The following KIF9 variants were observed in gnomAD, a reference collection of about 807,000 sequenced individuals.
KIF9 encodes kinesin-like protein KIF9.
In KIF9, 68 loss-of-function variants were observed where a neutral mutation model predicts 94.8. That is an observed-to-expected ratio of 0.72 (90% CI 0.59 to 0.88). The LOEUF is 0.88. KIF9 is among the 40% of genes least tolerant of loss of function. The pLI is 0.00. For synonymous variants in KIF9, 343 were observed against 362.1 expected (o/e 0.95, Z 0.60); for missense variants, 882 against 982.5 (o/e 0.90, Z 1.37).
At position 47,243,260 on chromosome 3, in the gene KIF9, G is replaced by A. The variant is rs777885656; in HGVS notation, c.1515-15C>T. On this transcript the variant is annotated splice_polypyrimidine_tract_variant and intron_variant, in intron 15 of 20. Transcript: ENST00000684063. ...TTGCCAAGGAGCTGGAAGAAGGCACGGAAGCCCCAGGGTTCAGTCATGGAC... is the reference window on the plus strand; with the variant it reads ...TTGCCAAGGAGCTGGAAGAAGGCACAGAAGCCCCAGGGTTCAGTCATGGAC... 1.1e-5 allele frequency: 18 copies of A among 1,600,254 alleles called. No homozygotes were observed. The highest frequency in any genetic ancestry group is 1.0e-4 in the Admixed American group (6 of 59,256).
At chr3:47,246,502 G>A (rs1028973671) in intron 12 of KIF9, 11 of 283,654 alleles carry the variant, frequency 3.9e-5, no homozygotes, top group Non-Finnish European at 7.2e-5. Context: ...TCGAAGTGGA[G>A]ACCTCTATAA....
intron 13 of KIF9, 70 bp downstream of exon 13, chr3:47,246,127 A>G: frequency 7.1e-7 from 1 of 1,403,432 alleles, no homozygotes; most frequent in Non-Finnish European, 1.0e-6. Context: ...CTTGGAGGCA[A>G]GTGCCCAGAT....
intron 5 of KIF9, among the ~76,000 whole-genome samples, chr3:47,270,415 A>T (rs1175500293): frequency 1.3e-5 from 2 of 150,760 alleles, no homozygotes; most frequent in African/African-American, 2.4e-5. Context: ...CACCACACCC[A>T]GCTTATTTTT....
intron 10 of KIF9, among the ~76,000 whole-genome samples, chr3:47,256,441 C>T (rs1313437971): frequency 2.0e-5 from 3 of 151,346 alleles, no homozygotes; most frequent in African/African-American, 4.9e-5. Flanking sequence ...GGAGCATCTC[C>T]GCCCGGCAGC....
intron 18 of KIF9, 81 bp downstream of exon 18, chr3:47,236,362 G>A: frequency 1.4e-6 from 2 of 1,466,956 alleles, no homozygotes; most frequent in South Asian, 1.2e-5. Flanking sequence ...AACTCTGAGG[G>A]TGCTTCCAGA....
intron 17 of KIF9, among the ~76,000 whole-genome samples, chr3:47,239,272 G>A (rs1202628804): frequency 1.3e-5 from 2 of 152,184 alleles, no homozygotes; most frequent in Non-Finnish European, 2.9e-5. Flanking sequence ...GTGTATTTAG[G>A]AGTAAATGAT....
At chr3:47,271,521 AG>A in intron 4 of KIF9, 60 bp from the exon 5 acceptor site, 1 of 1,242,754 alleles carries the variant, frequency 8.0e-7, no homozygotes, top group Non-Finnish European at 1.2e-6. Context: ...AACTAGCATA[AG>A]GGGGGCTTCC....
chr3:47,242,863 T>C (rs1345438693), intron 16 of KIF9, 188 bp downstream of exon 16: 1 of 450,996 alleles, frequency 2.2e-6, no homozygotes, highest in African/African-American at 1.9e-5. Context: ...TTGTGCATCT[T>C]GGATGACTCC....
chr3:47,277,642 T>G (rs558180935), intron 1 of KIF9, among the ~76,000 whole-genome samples: 1 of 152,312 alleles, frequency 6.6e-6, no homozygotes, highest in Non-Finnish European at 1.5e-5. Flanking sequence ...AAATACAAAG[T>G]GAAAAGAATG....
chr3:47,230,577 C>A (rs1018039973), intron 20 of KIF9, among the ~76,000 whole-genome samples: 6 of 150,058 alleles, frequency 4.0e-5, no homozygotes, highest in Middle Eastern at 3.3e-3. Flanking sequence ...ACTAAAAATA[C>A]AAAATTAGCC....
At chr3:47,252,726 A>G (rs1700350808) in intron 10 of KIF9, among the ~76,000 whole-genome samples, 1 of 152,158 alleles carries the variant, frequency 6.6e-6, no homozygotes, top group Admixed American at 6.5e-5. Context: ...ATAAGAAAAG[A>G]TAAGAAGGCC....
At position 47,235,509 on chromosome 3, in the gene KIF9, T is replaced by A. The variant is rs1425773619; in HGVS notation, c.2322+4A>T. The stretch of plus-strand genomic sequence containing the variant: ...CCTCCTGGAGACATAGGCCTCTGAG[T>A]TACCTTCTGCTCTATCTTGACTTTG... On this transcript the variant is annotated splice_donor_region_variant and intron_variant, in intron 20 of 20. Transcript: ENST00000684063. 5 of 1,606,950 alleles carry A rather than the reference T, an allele frequency of 3.1e-6. No individual in the cohort carries two copies. The highest frequency in any genetic ancestry group is 1.3e-5 in the African/African-American group (1 of 74,792).
intron 20 of KIF9, among the ~76,000 whole-genome samples, chr3:47,233,888 G>A (rs1259322426): frequency 3.3e-5 from 5 of 152,102 alleles, no homozygotes; most frequent in African/African-American, 4.8e-5. Flanking sequence ...TCAGGAGTTC[G>A]AGACCAGCCT....
chr3:47,263,860 C>T (rs1401417627), intron 9 of KIF9: 3 of 457,150 alleles, frequency 6.6e-6, no homozygotes, highest in Non-Finnish European at 8.8e-6. Context: ...GTGCTTAATA[C>T]CATCTGCTCA....
At chr3:47,257,695 C>A in intron 9 of KIF9, 135 bp from the exon 10 acceptor site, 1 of 691,752 alleles carries the variant, frequency 1.4e-6, no homozygotes, top group South Asian at 1.8e-5. Context: ...GGTTCCCTTC[C>A]CCCAGAGGAC....
intron 16 of KIF9, among the ~76,000 whole-genome samples, chr3:47,241,298 G>T (rs918420128): frequency 6.6e-6 from 1 of 151,942 alleles, no homozygotes; most frequent in Non-Finnish European, 1.5e-5. Context: ...GCATATGGTG[G>T]TGTATTTCCT....
At chr3:47,251,619 A>G (rs1700277947) in intron 10 of KIF9, among the ~76,000 whole-genome samples, 1 of 152,216 alleles carries the variant, frequency 6.6e-6, no homozygotes, top group South Asian at 2.1e-4. Flanking sequence ...ATGCCTTGGA[A>G]ACAGCACAGA....
At chr3:47,240,697 TG>T in intron 17 of KIF9, 103 bp downstream of exon 17, 3 of 939,160 alleles carry the variant, frequency 3.2e-6, no homozygotes, top group Non-Finnish European at 5.1e-6. Flanking sequence ...GCACCCCCAC[TG>T]GCCCCCTCCC....
intron 10 of KIF9, among the ~76,000 whole-genome samples, chr3:47,248,778 C>G (rs1700086499): frequency 2.0e-5 from 3 of 152,154 alleles, no homozygotes; most frequent in Admixed American, 1.3e-4. Flanking sequence ...GGCTCTTGCT[C>G]TGTCCTCCAG....
Sources: gnomAD v4.1 joint callset for allele counts (sites outside exome capture counted in the v4.1 genomes callset) on GRCh38, gnomAD v4.1.1 for gene constraint, MANE v1.5 for transcripts, NCBI Gene and HGNC (gene_info 2026-07-23, HGNC 2026-07-21) for gene names.